The following CFAP46 variants were observed in gnomAD, a reference collection of about 807,000 sequenced individuals.
The protein encoded by CFAP46 is cilia and flagella associated protein 46.
In CFAP46, 245 loss-of-function variants were observed where a neutral mutation model predicts 325.7. The observed-to-expected ratio is 0.75, with a 90% CI of 0.68 to 0.84. CFAP46 has a LOEUF of 0.84. CFAP46 is among the 40% of genes least tolerant of loss of function. The pLI, the probability that CFAP46 is intolerant of heterozygous loss-of-function variation, is 0.00. For missense variants in CFAP46, 3,346 were observed against 3,543.0 expected, an observed-to-expected ratio of 0.94 and a Z score of 1.41; for synonymous variants, 1,523 against 1,495.9, an observed-to-expected ratio of 1.02 and a Z score of -0.42.
At chr10:132,910,334 G>C (rs1849523022) in intron 19 of CFAP46, among the ~76,000 whole-genome samples, 1 of 152,206 alleles carries the variant, frequency 6.6e-6, no homozygotes, top group Non-Finnish European at 1.5e-5. Context: ...ATGGGCCTGG[G>C]ACCCCGCAGG....
intron 49 of CFAP46, 116 bp downstream of exon 49, chr10:132,833,925 G>A: frequency 1.1e-6 from 1 of 889,422 alleles, no homozygotes; most frequent in South Asian, 1.5e-5. Context: ...AGGGCTTGTG[G>A]GACTCCTGGG....
chr10:132,893,365 C>T (rs193195720), intron 24 of CFAP46, among the ~76,000 whole-genome samples: 10 of 152,348 alleles, frequency 6.6e-5, no homozygotes, highest in Non-Finnish European at 1.3e-4. Context: ...TGATCAGCTG[C>T]TCACTGGGAG....
At chr10:132,887,388 CCT>C (rs1207363806) in intron 25 of CFAP46, among the ~76,000 whole-genome samples, 1 of 111,348 alleles carries the variant, frequency 9.0e-6, no homozygotes, top group Non-Finnish European at 1.8e-5. Context: ...TTCTCTCTCT[CCT>C]CTCTCGCTTC....
At chr10:132,895,405 C>T (rs1751932843) in intron 24 of CFAP46, among the ~76,000 whole-genome samples, 1 of 152,212 alleles carries the variant, frequency 6.6e-6, no homozygotes, top group South Asian at 2.1e-4. Context: ...CAAGACAAGG[C>T]CACTGCTTCC....
rs142644394 is a variant in CFAP46 at position 132,885,026 on chromosome 10, G to A, written c.3627+77C>T. The stretch of plus-strand genomic sequence containing the variant: ...TGCTGCCCCACACCAGGTCCCTGCT[G>A]AGCTTCTGTCCACACGGTTCTCCCT... On this transcript the variant is annotated intron_variant, in intron 27 of 57. Transcript: ENST00000368586. The A allele has an allele frequency of 1.6e-3, 2,256 of 1,439,666 alleles. 4 individuals are homozygous for A. Among genetic ancestry groups the A allele is most frequent in the South Asian group, 2.2e-3 (153 of 70,142 alleles). The allele number at this position is 1,439,666 out of a possible 1,614,324, so 89.2% of individuals were successfully genotyped here.
At chr10:132,918,697 T>C (rs986968714) in intron 15 of CFAP46, among the ~76,000 whole-genome samples, 177 bp from the exon 16 acceptor site, 2 of 152,050 alleles carry the variant, frequency 1.3e-5, no homozygotes, top group Non-Finnish European at 2.9e-5. Context: ...CTGGAGGAGC[T>C]CTCCGTGGGA....
intron 28 of CFAP46, among the ~76,000 whole-genome samples, chr10:132,880,085 C>T (rs1849015978): frequency 6.6e-6 from 1 of 151,520 alleles, no homozygotes; most frequent in Non-Finnish European, 1.5e-5. Context: ...TCTAGGATGG[C>T]CCTGCTGTGC....
chr10:132,859,814 C>A (rs1260538020), intron 37 of CFAP46, among the ~76,000 whole-genome samples: 1 of 152,220 alleles, frequency 6.6e-6, no homozygotes, highest in Non-Finnish European at 1.5e-5. Flanking sequence ...AAAAGGTCTG[C>A]TGCGTTGGAG....
At chr10:132,906,919 TG>T (rs1472336391) in intron 22 of CFAP46, among the ~76,000 whole-genome samples, 1 of 151,980 alleles carries the variant, frequency 6.6e-6, no homozygotes, top group Non-Finnish European at 1.5e-5. Context: ...ACTGAGTGAA[TG>T]GGGGGCCTGG....
At chr10:132,849,814 G>A (rs548135102) in intron 41 of CFAP46, among the ~76,000 whole-genome samples, 1 of 152,332 alleles carries the variant, frequency 6.6e-6, no homozygotes, top group Admixed American at 6.5e-5. Flanking sequence ...TGGGGGCCAC[G>A]GCGCCCGGTG....
At chr10:132,899,392 T>C in intron 23 of CFAP46, 143 bp downstream of exon 23, 13 of 1,229,616 alleles carry the variant, frequency 1.1e-5, no homozygotes, top group Non-Finnish European at 1.4e-5. Flanking sequence ...GACTGTGCCC[T>C]GAACTGGCCG....
chr10:132,817,932 G>A lies in CFAP46; in HGVS notation c.7118-3018C>T, dbSNP rs1031994718. Among the ~76,000 whole-genome samples, 4 of 152,146 alleles carry A rather than the reference G, an allele frequency of 2.6e-5. No homozygotes were observed. Among genetic ancestry groups the A allele is most frequent in the Admixed American group, 2.0e-4 (3 of 15,282 alleles). ...GAATCCTCTCCTGGCTCCTGGCCAC[G>A]CCCTCCATCCTCACCGTCGGCAGCG... On this transcript the variant is annotated intron_variant, in intron 50 of 57. Coordinates refer to ENST00000368586, the MANE Select transcript of CFAP46 (RefSeq NM_001200049.3). The surrounding 1 kb of genome is among the most constrained non-coding windows in gnomAD (Gnocchi z 4.4).
chr10:132,875,221 A>G (rs985914233), intron 31 of CFAP46, among the ~76,000 whole-genome samples: 3 of 149,988 alleles, frequency 2.0e-5, no homozygotes, highest in Non-Finnish European at 2.9e-5. Context: ...ACTCTGGTCT[A>G]TTGTTAAGAG....
intron 34 of CFAP46, among the ~76,000 whole-genome samples, chr10:132,866,917 G>A (rs1024634930): frequency 1.3e-5 from 2 of 152,188 alleles, no homozygotes; most frequent in Non-Finnish European, 2.9e-5. Context: ...TCAGATGACC[G>A]GGACCTCCAG....
intron 49 of CFAP46, 43 bp downstream of exon 49, chr10:132,833,998 G>C: frequency 6.3e-7 from 1 of 1,584,146 alleles, no homozygotes; most frequent in South Asian, 1.1e-5. Context: ...TCTTCTGGCG[G>C]GATGAGCTCC....
At chr10:132,882,926 C>T (rs979477944) in intron 27 of CFAP46, among the ~76,000 whole-genome samples, 2 of 152,082 alleles carry the variant, frequency 1.3e-5, no homozygotes, top group African/African-American at 2.4e-5. Flanking sequence ...AACAGAAGTG[C>T]GGGGCCAGCT....
chr10:132,917,817 G>A (rs897533832), intron 16 of CFAP46, among the ~76,000 whole-genome samples: 1 of 152,136 alleles, frequency 6.6e-6, no homozygotes, highest in East Asian at 1.9e-4. Flanking sequence ...CCCACAGCAG[G>A]TTGTGTGGAT....
chr10:132,835,307 G>A lies in CFAP46; in HGVS notation c.6741C>T (p.Gly2247=), dbSNP rs777650071. The change falls in exon 47 of 58, where the codon GGC becomes GGT. Residue 2247 remains glycine (G), a synonymous_variant. Coordinates refer to ENST00000368586, the MANE Select transcript of CFAP46 (RefSeq NM_001200049.3). ...CTTGGAGCCTGGAGGGCCTCACCGA[G>A]CCTATGTTCAGGGCCATGTCCTCAC... ...VYSEDMALNI[G]SEPEGLQVEE... 6.2e-7 allele frequency: 1 copy of A among 1,612,816 alleles called. No individual in the cohort carries two copies. Among genetic ancestry groups the A allele is most frequent in the Non-Finnish European group, 8.5e-7 (1 of 1,179,662 alleles).
At chr10:132,845,057 A>G (rs1159100657) in intron 44 of CFAP46, among the ~76,000 whole-genome samples, 1 of 152,138 alleles carries the variant, frequency 6.6e-6, no homozygotes. Context: ...AGCTTAGACC[A>G]CAGGCGCCCC....
Sources: allele counts gnomAD v4.1 joint callset (sites outside exome capture counted in the v4.1 genomes callset), GRCh38; gene constraint gnomAD v4.1.1; non-coding constraint Gnocchi (gnomAD v3.1); transcripts MANE v1.5; gene names NCBI Gene and HGNC (gene_info 2026-07-23, HGNC 2026-07-21).